The following STXBP3 variants were observed in gnomAD, a reference collection of about 807,000 sequenced individuals.
STXBP3 encodes syntaxin-binding protein 3.
A neutral mutation model predicts 85.7 loss-of-function variants in STXBP3; 41 were observed. The observed-to-expected ratio is 0.48, with a 90% CI of 0.37 to 0.62. STXBP3 has a LOEUF of 0.62. Among genes scored for constraint, STXBP3 ranks in the 20% least tolerant of loss-of-function variants. The pLI is 0.00. For synonymous variants in STXBP3, 229 were observed against 231.7 expected (o/e 0.99, Z 0.10); for missense variants, 563 against 703.1 (o/e 0.80, Z 2.25).
At chr1:108,748,256 A>G (rs1432873242) in intron 1 of STXBP3, among the ~76,000 whole-genome samples, 6 of 152,356 alleles carry the variant, frequency 3.9e-5, no homozygotes, top group African/African-American at 1.4e-4. Context: ...AATTATGGCC[A>G]GGTGCAGTGG....
intron 8 of STXBP3, 74 bp downstream of exon 8, chr1:108,776,497 C>A (rs776905034): frequency 1.8e-6 from 2 of 1,108,812 alleles, no homozygotes; most frequent in East Asian, 2.6e-5. Context: ...GAAACTTGCT[C>A]ATTCATTTTC....
At chr1:108,770,316 A>G (rs964834959) in intron 6 of STXBP3, among the ~76,000 whole-genome samples, 1 of 151,854 alleles carries the variant, frequency 6.6e-6, no homozygotes, top group Non-Finnish European at 1.5e-5. Flanking sequence ...ACAAAAACAA[A>G]CCTACACATG....
intron 11 of STXBP3, among the ~76,000 whole-genome samples, chr1:108,792,997 G>GTTCTTTAC (rs1476844259): frequency 6.6e-6 from 1 of 152,014 alleles, no homozygotes; most frequent in African/African-American, 2.4e-5. Context: ...CCCAGAAGTT[G>GTTCTTTAC]TTCTTTACTA....
chr1:108,749,243 C>T (rs766782299), intron 1 of STXBP3, among the ~76,000 whole-genome samples: 2 of 152,144 alleles, frequency 1.3e-5, no homozygotes, highest in Non-Finnish European at 2.9e-5. Context: ...AAGACAATGA[C>T]TAAGAAAATG....
intron 4 of STXBP3, 196 bp downstream of exon 4, chr1:108,756,962 T>A (rs559007487): frequency 4.1e-5 from 15 of 365,956 alleles, no homozygotes; most frequent in African/African-American, 2.9e-4. Context: ...AGTAAAAGGA[T>A]TCCTTTTTTC....
intron 2 of STXBP3, 111 bp downstream of exon 2, chr1:108,752,417 C>A (rs1024596172): frequency 3.0e-6 from 3 of 986,916 alleles, no homozygotes; most frequent in African/African-American, 3.3e-5. Context: ...TATAAGTAAT[C>A]TAAAGATAAT....
chr1:108,767,067 C>T (rs957138052), intron 6 of STXBP3: 56 of 366,674 alleles, frequency 1.5e-4, no homozygotes, highest in African/African-American at 1.1e-3. Context: ...GAGATTGCAG[C>T]ATTAATAAAA....
intron 17 of STXBP3, among the ~76,000 whole-genome samples, chr1:108,801,544 T>C (rs1663232485): frequency 6.6e-6 from 1 of 152,208 alleles, no homozygotes; most frequent in Non-Finnish European, 1.5e-5. Flanking sequence ...CAGTCAGTTA[T>C]CTGTTCAGAC....
At chr1:108,760,201 C>T in intron 6 of STXBP3, 116 bp downstream of exon 6, 1 of 565,472 alleles carries the variant, frequency 1.8e-6, no homozygotes, top group Non-Finnish European at 3.0e-6. Flanking sequence ...GAATTTTGAA[C>T]CTAATCCACA....
At position 108,756,672 on chromosome 1, in the gene STXBP3, G is replaced by A; in HGVS notation, c.182-18G>A. The A allele has an allele frequency of 6.8e-7, 1 of 1,478,910 alleles. No homozygotes were observed. Among genetic ancestry groups the A allele is most frequent in the Non-Finnish European group, 9.1e-7 (1 of 1,101,856 alleles). 91.6% of individuals were successfully genotyped at this position (1,478,910 alleles called of 1,614,324 possible). ...ATATAAATATTTGGTTATATAAAAT[G>A]ACCTTTTTTCTTGTTAGTTGTAGAG... On this transcript the variant is annotated intron_variant, in intron 3 of 18. Transcript: ENST00000370008.
chr1:108,759,706 C>T (rs1269723628), intron 5 of STXBP3, among the ~76,000 whole-genome samples: 7 of 152,108 alleles, frequency 4.6e-5, no homozygotes, highest in African/African-American at 1.7e-4. Context: ...CTTGATTTTT[C>T]TTCCTAACAA....
Position 108,807,905 on chromosome 1 carries a change from A to G in STXBP3, c.1684+356A>G, listed in dbSNP as rs149807357. On this transcript the variant is annotated intron_variant, in intron 18 of 18. Coordinates refer to ENST00000370008, the MANE Select transcript of STXBP3 (RefSeq NM_007269.4). ...TTTTCTGTTTTTAAACAAACTCTAA[A>G]TGCAAAAGTATACATGTAAAATGTT... Among the ~76,000 whole-genome samples, 1,138 of 152,254 alleles carry G rather than the reference A, an allele frequency of 7.5e-3. 12 individuals are homozygous for G. The highest frequency in any genetic ancestry group is 0.026 in the African/African-American group (1,088 of 41,552).
chr1:108,808,075 T>G (rs1305954633), intron 18 of STXBP3, among the ~76,000 whole-genome samples: 1 of 152,242 alleles, frequency 6.6e-6, no homozygotes, highest in Non-Finnish European at 1.5e-5. Context: ...GAAAAGGAGC[T>G]TGCTCCTTTA....
chr1:108,796,400 G>A lies in STXBP3; in HGVS notation c.1249+28G>A, dbSNP rs529323829. On this transcript the variant is annotated intron_variant, in intron 14 of 18. Transcript: ENST00000370008. ...AATGGAGATAATCACTTTTTAATAA[G>A]TATTTTACTATTGATCATAAAAGAA... The A allele has an allele frequency of 6.4e-6, 9 of 1,400,276 alleles. No individual in the cohort carries two copies. In the South Asian group the frequency reaches 1.0e-4, roughly 16 times the overall value. 86.7% of individuals were successfully genotyped at this position (1,400,276 alleles called of 1,614,324 possible).
intron 17 of STXBP3, among the ~76,000 whole-genome samples, chr1:108,804,608 G>A (rs933906389): frequency 6.6e-6 from 1 of 152,194 alleles, no homozygotes; most frequent in Non-Finnish European, 1.5e-5. Flanking sequence ...CATTGAGAAC[G>A]CATCCCTTCA....
chr1:108,755,942 C>G (rs1662009131), intron 3 of STXBP3, among the ~76,000 whole-genome samples: 1 of 152,172 alleles, frequency 6.6e-6, no homozygotes, highest in Admixed American at 6.5e-5. Flanking sequence ...AGTAACCTCT[C>G]TTGCCCGTCA....
chr1:108,805,698 C>T (rs1456048208), intron 17 of STXBP3, among the ~76,000 whole-genome samples: 1 of 152,226 alleles, frequency 6.6e-6, no homozygotes, highest in African/African-American at 2.4e-5. Context: ...GCTGGGATTA[C>T]AGACGTGAGC....
chr1:108,788,122 C>T (rs910463842), intron 11 of STXBP3, among the ~76,000 whole-genome samples: 1 of 152,086 alleles, frequency 6.6e-6, no homozygotes, highest in Non-Finnish European at 1.5e-5. Context: ...CAGGAAATTT[C>T]GATGTTGGAT....
chr1:108,798,540 C>T (rs1347338058), intron 16 of STXBP3, among the ~76,000 whole-genome samples: 2 of 151,660 alleles, frequency 1.3e-5, no homozygotes, highest in Middle Eastern at 3.4e-3. Flanking sequence ...CTCAGCCTCC[C>T]GAGTAGCTGG....
Sources: allele counts gnomAD v4.1 joint callset (sites outside exome capture counted in the v4.1 genomes callset), GRCh38; gene constraint gnomAD v4.1.1; transcripts MANE v1.5; gene names NCBI Gene and HGNC (gene_info 2026-07-23, HGNC 2026-07-21).